The following WWOX variants were observed in gnomAD, a reference collection of about 807,000 sequenced individuals.
The protein encoded by WWOX is WW domain containing oxidoreductase.
Under a neutral mutation model 46.2 loss-of-function variants are expected in WWOX, and 69 were observed. The ratio of observed to expected loss-of-function variants is 1.49; its 90% CI spans 1.23 to 1.82. The LOEUF (loss-of-function observed/expected upper bound fraction) is 1.82, where lower values mean the gene tolerates loss of function less well. Ranked by LOEUF, WWOX falls within the 40% of genes most tolerant of loss-of-function variation. The probability of loss-of-function intolerance (pLI) is 0.00; values close to 1 mark genes in which losing one functional copy is unlikely to be tolerated. For missense variants in WWOX, 919 were observed against 542.6 expected, an observed-to-expected ratio of 1.69 and a Z score of -6.89; for synonymous variants, 359 against 202.6, an observed-to-expected ratio of 1.77 and a Z score of -6.56.
At chr16:78,991,519 T>C (rs2046886006) in intron 8 of WWOX, among the ~76,000 whole-genome samples, 1 of 144,678 alleles carries the variant, frequency 6.9e-6, no homozygotes, top group Non-Finnish European at 1.5e-5. Context: ...GAAGATGGCT[T>C]GAGCCTGGGA....
At chr16:78,638,840 A>T (rs1370695245) in intron 8 of WWOX, among the ~76,000 whole-genome samples, 3 of 152,160 alleles carry the variant, frequency 2.0e-5, no homozygotes, top group Admixed American at 6.5e-5. Flanking sequence ...AGCTCCTGTG[A>T]AGATTCAGGA....
At chr16:79,085,392 T>A (rs1376233286) in intron 8 of WWOX, among the ~76,000 whole-genome samples, 1 of 152,196 alleles carries the variant, frequency 6.6e-6, no homozygotes, top group Non-Finnish European at 1.5e-5. Context: ...TCTGGGAGGT[T>A]CCCACTGGGT....
At chr16:78,385,332 G>T (rs1027543803) in intron 5 of WWOX, among the ~76,000 whole-genome samples, 2 of 152,044 alleles carry the variant, frequency 1.3e-5, no homozygotes, top group African/African-American at 4.8e-5. Context: ...AAGTGGCATC[G>T]GGACAAGAGT....
At chr16:78,407,080 C>T (rs536643536) in intron 6 of WWOX, among the ~76,000 whole-genome samples, 1 of 152,190 alleles carries the variant, frequency 6.6e-6, no homozygotes, top group Admixed American at 6.5e-5. Context: ...AAGGGAATTG[C>T]TGTGTTCAGT....
chr16:78,408,009 G>C (rs900809748), intron 6 of WWOX, among the ~76,000 whole-genome samples: 2 of 152,174 alleles, frequency 1.3e-5, no homozygotes. Flanking sequence ...TGGTATGACT[G>C]GTGTATGGTG....
intron 8 of WWOX, among the ~76,000 whole-genome samples, chr16:78,530,329 G>C (rs533981694): frequency 7.9e-5 from 12 of 152,298 alleles, no homozygotes; most frequent in African/African-American, 7.2e-5. Context: ...GTGTCCAGGA[G>C]GAACGAGGTC....
At chr16:78,764,688 T>C (rs567093136) in intron 8 of WWOX, among the ~76,000 whole-genome samples, 9 of 150,454 alleles carry the variant, frequency 6.0e-5, no homozygotes, top group African/African-American at 1.5e-4. Flanking sequence ...AAGCCTCAGT[T>C]TCCTCATCTG....
chr16:78,260,798 G>T (rs1262306320), intron 5 of WWOX, among the ~76,000 whole-genome samples: 9 of 146,008 alleles, frequency 6.2e-5, no homozygotes, highest in Admixed American at 5.5e-4. Context: ...AATTAGCTGG[G>T]TGTGGTGGCG....
rs150271524 is a variant in WWOX, at chr16:78,947,284, G to T, written c.1057-264324G>T. 1.2e-4 allele frequency among the ~76,000 whole-genome samples: 19 copies of T among 152,240 alleles called. No individual in the cohort carries two copies. In the East Asian group the frequency reaches 2.1e-3, roughly 17 times the overall value. On this transcript the variant is annotated intron_variant, in intron 8 of 8. Transcript: ENST00000566780. ...AAGCCACTTAGATTTTTAACTCCCT[G>T]TTTCTGCCTGAAGCAATAAAGGCAG...
chr16:78,750,064 C>T (rs571503837), intron 8 of WWOX, among the ~76,000 whole-genome samples: 12 of 152,228 alleles, frequency 7.9e-5, no homozygotes, highest in African/African-American at 2.4e-4. Flanking sequence ...TAAAATAAGA[C>T]AGCATATGGA....
At chr16:78,326,570 T>A (rs995387842) in intron 5 of WWOX, among the ~76,000 whole-genome samples, 2 of 10,024 alleles carry the variant, frequency 2.0e-4, no homozygotes, top group Non-Finnish European at 4.0e-4. Flanking sequence ...CTGCCTGCCC[T>A]CCCCCCGCCC....
chr16:78,125,189 T>C (rs2033308285), intron 4 of WWOX, among the ~76,000 whole-genome samples: 2 of 152,226 alleles, frequency 1.3e-5, no homozygotes, highest in African/African-American at 4.8e-5. Flanking sequence ...ACTTGTCATA[T>C]TTAATTCTCA....
intron 5 of WWOX, among the ~76,000 whole-genome samples, chr16:78,257,849 G>T (rs528132014): frequency 6.6e-6 from 1 of 152,080 alleles, no homozygotes; most frequent in Non-Finnish European, 1.5e-5. Context: ...TGTGACGTGG[G>T]ACAAATAGCC....
At chr16:78,188,473 G>A (rs1299348719) in intron 5 of WWOX, among the ~76,000 whole-genome samples, 2 of 140,136 alleles carry the variant, frequency 1.4e-5, no homozygotes, top group Admixed American at 7.3e-5. Flanking sequence ...GGGTGACAGA[G>A]CGAGACTCTG....
chr16:78,726,398 A>T (rs895497364), intron 8 of WWOX, among the ~76,000 whole-genome samples: 3 of 151,670 alleles, frequency 2.0e-5, no homozygotes, highest in African/African-American at 7.3e-5. Flanking sequence ...GCGTATTTTT[A>T]AATTATTTGT....
intron 8 of WWOX, among the ~76,000 whole-genome samples, chr16:78,934,520 A>C (rs2045695033): frequency 6.7e-6 from 1 of 150,126 alleles, no homozygotes; most frequent in African/African-American, 2.4e-5. Context: ...AAAAAAAAAA[A>C]AAAAAAAAAA....
chr16:78,576,564 A>G (rs764942934), intron 8 of WWOX, among the ~76,000 whole-genome samples: 1 of 152,168 alleles, frequency 6.6e-6, no homozygotes, highest in Non-Finnish European at 1.5e-5. Context: ...GAGGCCTGGT[A>G]CCTCATGCCT....
intron 8 of WWOX, among the ~76,000 whole-genome samples, chr16:78,918,306 A>T (rs1401648990): frequency 6.6e-6 from 1 of 152,220 alleles, no homozygotes; most frequent in Non-Finnish European, 1.5e-5. Context: ...TACTTCTAAG[A>T]GGCATCTTCT....
At chr16:78,602,944 T>A (rs973593638) in intron 8 of WWOX, among the ~76,000 whole-genome samples, 3 of 152,342 alleles carry the variant, frequency 2.0e-5, no homozygotes, top group South Asian at 4.1e-4. Flanking sequence ...TGATTAGCTT[T>A]CTCTTTCCAT....
Sources: allele counts gnomAD v4.1 joint callset (sites outside exome capture counted in the v4.1 genomes callset), GRCh38; gene constraint gnomAD v4.1.1; transcripts MANE v1.5; gene names NCBI Gene and HGNC (gene_info 2026-07-23, HGNC 2026-07-21).